Variants in MED27 observed in about 807,000 individuals in gnomAD.
The protein encoded by MED27 is mediator complex subunit 27.
A neutral mutation model predicts 38.2 loss-of-function variants in MED27; 30 were observed. The observed-to-expected ratio is 0.79, with a 90% CI of 0.59 to 1.07. The LOEUF (loss-of-function observed/expected upper bound fraction) is 1.07, where lower values mean the gene tolerates loss of function less well. Ranked by LOEUF, MED27 falls within the 50% of genes least tolerant of loss-of-function variation. The pLI, the probability that MED27 is intolerant of heterozygous loss-of-function variation, is 0.00. For missense variants in MED27, 289 were observed against 397.5 expected (o/e 0.73, Z 2.32); for synonymous variants, 122 against 153.5 (o/e 0.79, Z 1.52).
At chr9:131,950,527 T>G (rs551750502) in intron 3 of MED27, among the ~76,000 whole-genome samples, 1 of 152,340 alleles carries the variant, frequency 6.6e-6, no homozygotes, top group African/African-American at 2.4e-5. Flanking sequence ...TCCATTTGAT[T>G]TTTTTAACGT....
At chr9:132,039,730 T>C (rs1031932949) in intron 2 of MED27, among the ~76,000 whole-genome samples, 8 of 152,122 alleles carry the variant, frequency 5.3e-5, no homozygotes, top group African/African-American at 1.9e-4. Context: ...TCCACCTGCT[T>C]GGCAATCCCT....
At chr9:132,053,109 C>T (rs1236336036) in intron 2 of MED27, among the ~76,000 whole-genome samples, 2 of 152,004 alleles carry the variant, frequency 1.3e-5, no homozygotes, top group East Asian at 1.9e-4. Flanking sequence ...AAAAATTAGC[C>T]GGGCGTGGTT....
intron 2 of MED27, among the ~76,000 whole-genome samples, chr9:132,020,968 T>C (rs1299382404): frequency 1.3e-5 from 2 of 152,200 alleles, no homozygotes; most frequent in African/African-American, 4.8e-5. Context: ...TGCCTATTTG[T>C]TCTCTCCTGG....
intron 6 of MED27, among the ~76,000 whole-genome samples, chr9:131,865,031 T>G (rs138797924): frequency 2.1e-3 from 322 of 152,346 alleles, no homozygotes; most frequent in African/African-American, 7.4e-3. Context: ...GATATTACCC[T>G]GCATACAGCA....
intron 2 of MED27, among the ~76,000 whole-genome samples, chr9:132,061,293 G>A (rs537346387): frequency 6.6e-6 from 1 of 152,312 alleles, no homozygotes; most frequent in Admixed American, 6.5e-5. Flanking sequence ...GAGGGCCAAG[G>A]AGTGGCTATG....
In MED27 at chr9:131,883,805, C is replaced by T. The variant is rs1388085615; in HGVS notation, c.723+253G>A. 2.0e-5 allele frequency among the ~76,000 whole-genome samples: 3 copies of T among 152,196 alleles called. No individual in the cohort carries two copies. Among genetic ancestry groups the T allele is most frequent in the Non-Finnish European group, 4.4e-5 (3 of 68,040 alleles). On this transcript the variant is annotated intron_variant, in intron 6 of 7. Coordinates refer to ENST00000292035, the MANE Select transcript of MED27 (RefSeq NM_004269.4). The surrounding 1 kb of genome is among the most constrained non-coding windows in gnomAD (Gnocchi z 4.2). ...ATTAAGATAAAGAATATTCCCACCA[C>T]CCCACACTCCCTTGTGCCCCTTTGG...
At chr9:132,062,843 G>C (rs1031036322) in intron 2 of MED27, among the ~76,000 whole-genome samples, 13 of 151,950 alleles carry the variant, frequency 8.6e-5, no homozygotes, top group African/African-American at 2.9e-4. Flanking sequence ...GATTGGTCTT[G>C]AACTCCTGGG....
At chr9:131,948,958 T>C (rs532153757) in intron 3 of MED27, among the ~76,000 whole-genome samples, 1 of 152,274 alleles carries the variant, frequency 6.6e-6, no homozygotes, top group African/African-American at 2.4e-5. Context: ...TCGAAATCAA[T>C]GCACAAGGGC....
At chr9:131,962,543 AT>A (rs35806394) in intron 3 of MED27, among the ~76,000 whole-genome samples, 45,023 of 149,024 alleles carry the variant, frequency 0.3, 6,744 homozygotes, top group East Asian at 0.39. Context: ...CTGGCGTGTG[AT>A]TTTTTTTTTT....
intron 2 of MED27, among the ~76,000 whole-genome samples, chr9:132,029,471 C>T (rs1832902676): frequency 6.6e-6 from 1 of 152,170 alleles, no homozygotes. Context: ...GCCCATATAT[C>T]ACCAACTGGC....
intron 2 of MED27, among the ~76,000 whole-genome samples, chr9:132,021,923 C>CT (rs1832724880): frequency 2.0e-5 from 3 of 152,200 alleles, no homozygotes. Context: ...AATCTGCCAG[C>CT]AACTTGACCT....
At chr9:132,072,061 TAACACACACCCC>T (rs1408868684) in intron 2 of MED27, among the ~76,000 whole-genome samples, 1 of 152,088 alleles carries the variant, frequency 6.6e-6, no homozygotes, top group Non-Finnish European at 1.5e-5. Context: ...GGCACTTGCG[TAACACACACCCC>T]ATAAATAAGT....
chr9:132,002,424 C>T (rs1832256311), intron 3 of MED27, among the ~76,000 whole-genome samples: 1 of 152,158 alleles, frequency 6.6e-6, no homozygotes, highest in African/African-American at 2.4e-5. Flanking sequence ...AGCTAGGAGA[C>T]AAACCCACTT....
chr9:131,868,117 A>T (rs1838766567), intron 6 of MED27, among the ~76,000 whole-genome samples: 1 of 152,092 alleles, frequency 6.6e-6, no homozygotes, highest in South Asian at 2.1e-4. Context: ...GTGCTTGTGG[A>T]GTGGGGGTTT....
intron 2 of MED27, among the ~76,000 whole-genome samples, chr9:132,047,134 G>A (rs1308716751): frequency 6.6e-6 from 1 of 151,984 alleles, no homozygotes; most frequent in East Asian, 1.9e-4. Context: ...CTTTAAGATT[G>A]TACTTGTTTC....
chr9:131,917,111 G>C lies in MED27; in HGVS notation c.573+22270C>G, dbSNP rs1455083357. 6.6e-6 allele frequency among the ~76,000 whole-genome samples: 1 copy of C among 152,136 alleles called. No homozygotes were observed. Among genetic ancestry groups the C allele is most frequent in the Non-Finnish European group, 1.5e-5 (1 of 68,018 alleles). On this transcript the variant is annotated intron_variant, in intron 4 of 7. Transcript: ENST00000292035. This position sits in a 1 kb window ranked among gnomAD's most constrained non-coding sequence, Gnocchi z 4.6. ...TGTTCCTAAGGAGCCCCTGGAAATG[G>C]GAAGGTATTTTTGCTTGTCACAGTA...
At chr9:132,036,339 G>A (rs779563596) in intron 2 of MED27, among the ~76,000 whole-genome samples, 3 of 152,084 alleles carry the variant, frequency 2.0e-5, no homozygotes, top group Non-Finnish European at 4.4e-5. Context: ...GAGTAGCTGG[G>A]ACCACAGGTA....
chr9:132,022,902 G>A (rs768443285), intron 2 of MED27, among the ~76,000 whole-genome samples: 11 of 152,032 alleles, frequency 7.2e-5, no homozygotes, highest in East Asian at 1.9e-4. Context: ...TGGGGGATCC[G>A]CCCCATGATC....
At chr9:131,983,043 C>G (rs1266742618) in intron 3 of MED27, among the ~76,000 whole-genome samples, 1 of 152,180 alleles carries the variant, frequency 6.6e-6, no homozygotes, top group Non-Finnish European at 1.5e-5. Context: ...GCTGCTGATC[C>G]ACAGACCACA....
Sources: allele counts gnomAD v4.1 joint callset (sites outside exome capture counted in the v4.1 genomes callset), GRCh38; gene constraint gnomAD v4.1.1; non-coding constraint Gnocchi (gnomAD v3.1); transcripts MANE v1.5; gene names NCBI Gene and HGNC (gene_info 2026-07-23, HGNC 2026-07-21).